Variants in PCDH15 observed in about 807,000 individuals in gnomAD.
The protein encoded by PCDH15 is protocadherin-15.
Under a neutral mutation model 178.5 loss-of-function variants are expected in PCDH15, and 129 were observed. The observed-to-expected ratio is 0.72, with a 90% CI of 0.63 to 0.84. The LOEUF (loss-of-function observed/expected upper bound fraction) is 0.84, where lower values mean the gene tolerates loss of function less well. Among genes scored for constraint, PCDH15 ranks in the 40% least tolerant of loss-of-function variants. The pLI is 0.00. For missense variants in PCDH15, 2,230 were observed against 2,099.9 expected (o/e 1.06, Z -1.21); for synonymous variants, 800 against 732.0 (o/e 1.09, Z -1.50).
intron 1 of PCDH15, among the ~76,000 whole-genome samples, chr10:55,195,653 T>TAAAAAAA (rs5785123): frequency 8.5e-6 from 1 of 118,140 alleles, no homozygotes. Context: ...AAACTCCATC[T>TAAAAAAA]AAAAAAAAAA....
chr10:55,238,179 C>G (rs551919088), intron 1 of PCDH15, among the ~76,000 whole-genome samples: 31 of 146,376 alleles, frequency 2.1e-4, no homozygotes, highest in Non-Finnish European at 3.9e-4. Context: ...ACGGAGTCTC[C>G]CTCTGTCGCC....
At chr10:53,876,477 C>T (rs2080254925) in intron 26 of PCDH15, among the ~76,000 whole-genome samples, 1 of 152,026 alleles carries the variant, frequency 6.6e-6, no homozygotes, top group African/African-American at 2.4e-5. Flanking sequence ...TGAGCCACCG[C>T]GCCCGGCCAA....
chr10:54,624,713 T>C lies in PCDH15; in HGVS notation c.91+39459A>G, dbSNP rs564444505. ...CAGTGGCTCCCCATCACTGGCATTA[T>C]TGCCTGAGCTCTACCTCCTGTCAGA... On this transcript the variant is annotated intron_variant, in intron 2 of 37. Transcript: ENST00000644397. Among the ~76,000 whole-genome samples, 22 of 152,180 alleles carry C rather than the reference T, an allele frequency of 1.4e-4. 1 individual carries two copies. The highest frequency in any genetic ancestry group is 2.8e-4 in the Non-Finnish European group (19 of 68,032).
chr10:55,060,468 T>C (rs182643780), intron 2 of PCDH15, among the ~76,000 whole-genome samples: 373 of 152,156 alleles, frequency 2.5e-3, no homozygotes, highest in African/African-American at 8.6e-3. Flanking sequence ...ACATGTAGTT[T>C]GGGTTTATAT....
At chr10:55,119,974 T>C (rs1262178961) in intron 2 of PCDH15, among the ~76,000 whole-genome samples, 1 of 151,990 alleles carries the variant, frequency 6.6e-6, no homozygotes, top group Admixed American at 6.6e-5. Context: ...TAACTTGTCT[T>C]AAATGTTTTT....
intron 2 of PCDH15, among the ~76,000 whole-genome samples, chr10:54,906,264 T>C (rs1187528390): frequency 6.6e-6 from 1 of 152,178 alleles, no homozygotes; most frequent in Non-Finnish European, 1.5e-5. Flanking sequence ...AGGACCCAGA[T>C]GACTATTCTC....
At chr10:55,356,598 A>G (rs562682564) in intron 2 of PCDH15, among the ~76,000 whole-genome samples, 42 of 152,078 alleles carry the variant, frequency 2.8e-4, no homozygotes, top group Admixed American at 1.6e-3. Context: ...CATTTATTCA[A>G]TCACTCATTT....
intron 8 of PCDH15, among the ~76,000 whole-genome samples, chr10:54,289,387 G>A (rs1227878928): frequency 6.6e-6 from 1 of 152,200 alleles, no homozygotes; most frequent in Non-Finnish European, 1.5e-5. Flanking sequence ...AACCCCATCT[G>A]TGGGTCACCA....
chr10:54,321,366 A>G (rs1318076113), intron 7 of PCDH15, among the ~76,000 whole-genome samples: 2 of 150,098 alleles, frequency 1.3e-5, no homozygotes, highest in Non-Finnish European at 3.0e-5. Flanking sequence ...GTTTTAAAAG[A>G]TTGAATTAAT....
intron 11 of PCDH15, among the ~76,000 whole-genome samples, chr10:54,192,180 G>GAAAA (rs1564643793): frequency 7.6e-6 from 1 of 132,010 alleles, no homozygotes; most frequent in African/African-American, 3.3e-5. Flanking sequence ...GAAAAAGAAA[G>GAAAA]AGAAAGAAAG....
intron 1 of PCDH15, among the ~76,000 whole-genome samples, chr10:54,711,927 A>G (rs1348479340): frequency 6.6e-6 from 1 of 151,892 alleles, no homozygotes; most frequent in South Asian, 2.1e-4. Context: ...TAACTTCCAG[A>G]TATGTCATAA....
At chr10:54,613,529 A>T (rs2093033298) in intron 2 of PCDH15, among the ~76,000 whole-genome samples, 3 of 151,126 alleles carry the variant, frequency 2.0e-5, no homozygotes, top group African/African-American at 7.3e-5. Flanking sequence ...ACACACTCAC[A>T]CACATACACA....
At chr10:54,503,223 A>G (rs1032261599) in intron 3 of PCDH15, among the ~76,000 whole-genome samples, 17 of 94,680 alleles carry the variant, frequency 1.8e-4, no homozygotes, top group African/African-American at 6.0e-4. Flanking sequence ...ATATACATAT[A>G]TATGTGTGTG....
At chr10:54,715,452 A>G (rs1363824537) in intron 1 of PCDH15, among the ~76,000 whole-genome samples, 1 of 152,140 alleles carries the variant, frequency 6.6e-6, no homozygotes, top group African/African-American at 2.4e-5. Context: ...GTGCATAAAG[A>G]TTGACACTGT....
At chr10:54,030,793 T>G (rs982742033) in intron 18 of PCDH15, among the ~76,000 whole-genome samples, 1 of 152,002 alleles carries the variant, frequency 6.6e-6, no homozygotes, top group Non-Finnish European at 1.5e-5. Flanking sequence ...AAACTCTGTG[T>G]TTTAGTCAAA....
chr10:54,432,287 C>CAA lies in PCDH15; in HGVS notation c.158-53347_158-53346dup, dbSNP rs35612465. On this transcript the variant is annotated intron_variant, in intron 3 of 37. Transcript: ENST00000644397. ...GCTATCAAAAAAAGAAACAAACAAA[C>CAA]AAAAAAAACCTGGAGAAATCACATT... Among the ~76,000 whole-genome samples, 283 of 151,250 alleles carry CAA rather than the reference C, an allele frequency of 1.9e-3. 1 individual carries two copies. Among genetic ancestry groups the CAA allele is most frequent in the Middle Eastern group, 3.4e-3 (1 of 294 alleles).
chr10:54,205,825 T>C (rs1236806850), intron 10 of PCDH15, among the ~76,000 whole-genome samples: 1 of 151,998 alleles, frequency 6.6e-6, no homozygotes, highest in Non-Finnish European at 1.5e-5. Flanking sequence ...CTCAAAAACT[T>C]ATAAATAAAT....
chr10:53,945,292 A>T (rs978748260), intron 23 of PCDH15, among the ~76,000 whole-genome samples: 3 of 152,050 alleles, frequency 2.0e-5, no homozygotes, highest in Non-Finnish European at 4.4e-5. Flanking sequence ...ATTCTTATTT[A>T]TTTTTTAATT....
At chr10:55,558,907 G>GA (rs1274503265) in intron 2 of PCDH15, among the ~76,000 whole-genome samples, 4 of 151,982 alleles carry the variant, frequency 2.6e-5, no homozygotes, top group Non-Finnish European at 2.9e-5. Context: ...ACAGATACGT[G>GA]AAAAAATATT....
Sources: gnomAD v4.1 joint callset for allele counts (sites outside exome capture counted in the v4.1 genomes callset) on GRCh38, gnomAD v4.1.1 for gene constraint, MANE v1.5 for transcripts, NCBI Gene and HGNC (gene_info 2026-07-23, HGNC 2026-07-21) for gene names.